TENM4: variants seen among roughly 807,000 people sequenced by gnomAD.
The protein encoded by TENM4 is teneurin transmembrane protein 4, also known as teneurin-4.
TENM4 carries 82 observed loss-of-function variants against 243.3 expected under a neutral mutation model. The observed-to-expected ratio is 0.34, with a 90% CI of 0.28 to 0.40. TENM4 has a LOEUF of 0.40. Ranked by LOEUF, TENM4 falls within the 10% of genes least tolerant of loss-of-function variation. The probability of loss-of-function intolerance (pLI) is 1.00; values close to 1 mark genes in which losing one functional copy is unlikely to be tolerated. For missense variants in TENM4, 3,138 were observed against 3,673.3 expected, an observed-to-expected ratio of 0.85 and a Z score of 3.77; for synonymous variants, 1,412 against 1,456.3, an observed-to-expected ratio of 0.97 and a Z score of 0.69.
At chr11:79,437,876 T>G (rs573433028) in intron 1 of TENM4, among the ~76,000 whole-genome samples, 1 of 152,080 alleles carries the variant, frequency 6.6e-6, no homozygotes, top group South Asian at 2.1e-4. Flanking sequence ...GGCAGCCGGG[T>G]TAAAGGCTCC....
At chr11:78,968,881 C>T (rs1857487989) in intron 6 of TENM4, among the ~76,000 whole-genome samples, 1 of 152,194 alleles carries the variant, frequency 6.6e-6, no homozygotes, top group South Asian at 2.1e-4. Context: ...AGAGGCCTGT[C>T]TATCAGGGAA....
chr11:79,087,979 G>A (rs910182326), intron 4 of TENM4, among the ~76,000 whole-genome samples: 1 of 152,192 alleles, frequency 6.6e-6, no homozygotes, highest in Non-Finnish European at 1.5e-5. Flanking sequence ...CCGTGGGGAA[G>A]CTCTGGCCCT....
At chr11:78,685,435 C>A (rs530057507) in intron 29 of TENM4, among the ~76,000 whole-genome samples, 1 of 152,136 alleles carries the variant, frequency 6.6e-6, no homozygotes, top group African/African-American at 2.4e-5. Flanking sequence ...GGCAGAGCTA[C>A]CAAAGAGGAA....
chr11:79,127,852 G>A (rs1861914508), intron 4 of TENM4, among the ~76,000 whole-genome samples: 1 of 152,148 alleles, frequency 6.6e-6, no homozygotes, highest in South Asian at 2.1e-4. Flanking sequence ...CAGTGGTATG[G>A]GGCCTGTCAA....
chr11:79,165,068 A>G (rs1565231740), intron 3 of TENM4, among the ~76,000 whole-genome samples: 1 of 151,654 alleles, frequency 6.6e-6, no homozygotes, highest in Non-Finnish European at 1.5e-5. Flanking sequence ...CTGGTTTCAT[A>G]TTTTTGAAAT....
chr11:79,108,136 T>C (rs1237256447), intron 4 of TENM4, among the ~76,000 whole-genome samples: 2 of 152,222 alleles, frequency 1.3e-5, no homozygotes, highest in Admixed American at 6.5e-5. Context: ...GGATGCTTAG[T>C]TTTGTGTCAA....
At chr11:78,875,492 C>G (rs1421278268) in intron 9 of TENM4, among the ~76,000 whole-genome samples, 2 of 152,182 alleles carry the variant, frequency 1.3e-5, no homozygotes, top group African/African-American at 4.8e-5. Flanking sequence ...GTGTAAGCCA[C>G]TGTGCCCAGC....
intron 6 of TENM4, among the ~76,000 whole-genome samples, chr11:79,043,925 C>T (rs1859597950): frequency 6.6e-6 from 1 of 152,176 alleles, no homozygotes; most frequent in Non-Finnish European, 1.5e-5. Flanking sequence ...CAGACCATGG[C>T]TTATGGCTCA....
intron 9 of TENM4, among the ~76,000 whole-genome samples, chr11:78,873,425 T>C (rs776164737): frequency 2.0e-5 from 3 of 152,222 alleles, no homozygotes; most frequent in South Asian, 2.1e-4. Context: ...GGGGTAAGTA[T>C]TGTTATTACT....
At chr11:78,841,565 T>C (rs544442441) in intron 12 of TENM4, among the ~76,000 whole-genome samples, 1 of 152,168 alleles carries the variant, frequency 6.6e-6, no homozygotes, top group Non-Finnish European at 1.5e-5. Context: ...GTCTCCTCCT[T>C]TCCTAGGCTC....
intron 7 of TENM4, among the ~76,000 whole-genome samples, chr11:78,900,541 G>T (rs1855904679): frequency 6.6e-6 from 1 of 152,168 alleles, no homozygotes; most frequent in Non-Finnish European, 1.5e-5. Context: ...GAGAGAAGAT[G>T]TATATGAAAA....
rs778551925 is a variant in TENM4 at position 78,658,045 on chromosome 11, T to C, written c.*13A>G. 1 of 1,611,178 alleles carries C rather than the reference T, an allele frequency of 6.2e-7. No individual in the cohort carries two copies. The highest frequency in any genetic ancestry group is 2.2e-5 in the East Asian group (1 of 44,860). On this transcript the variant is annotated 3_prime_UTR_variant, in exon 34 of 34. Transcript: ENST00000278550. ...AGTAGCTGTCTTTGGCAAGAAGTCC[T>C]TGGTCCTCTCTGTCACCTCCGGCCC...
intron 6 of TENM4, among the ~76,000 whole-genome samples, chr11:79,044,038 G>A (rs990123513): frequency 5.3e-5 from 8 of 152,072 alleles, no homozygotes; most frequent in African/African-American, 1.9e-4. Context: ...ATCTGGACTC[G>A]GTCCCAAGGA....
At chr11:79,020,344 A>G (rs1023599716) in intron 6 of TENM4, among the ~76,000 whole-genome samples, 1 of 152,198 alleles carries the variant, frequency 6.6e-6, no homozygotes, top group Non-Finnish European at 1.5e-5. Context: ...CATGTCGCTA[A>G]TTCTGTTTTA....
intron 4 of TENM4, among the ~76,000 whole-genome samples, chr11:79,078,131 C>T (rs1019291277): frequency 1.3e-5 from 2 of 152,162 alleles, no homozygotes; most frequent in African/African-American, 2.4e-5. Context: ...TGCCAAAACC[C>T]GCAGGGAAAT....
rs539294439 is a variant in TENM4, at chr11:79,078,133, C to A, written c.-65-8124G>T. Among the ~76,000 whole-genome samples, 4 of 152,168 alleles carry A rather than the reference C, an allele frequency of 2.6e-5. No individual in the cohort carries two copies. In the East Asian group the frequency reaches 5.8e-4, roughly 22 times the overall value. On this transcript the variant is annotated intron_variant, in intron 4 of 33. Coordinates refer to ENST00000278550, the MANE Select transcript of TENM4 (RefSeq NM_001098816.3). ...AAACCTCTGCCCCTGCCAAAACCCG[C>A]AGGGAAATGGGGGCTGTTATCACCC...
chr11:78,768,188 C>T (rs1413292265), intron 18 of TENM4, among the ~76,000 whole-genome samples: 1 of 152,238 alleles, frequency 6.6e-6, no homozygotes, highest in South Asian at 2.1e-4. Flanking sequence ...GTCCTCAGCA[C>T]CTTCCCCTTG....
chr11:79,306,850 C>G (rs147079471), intron 1 of TENM4, among the ~76,000 whole-genome samples: 1 of 152,194 alleles, frequency 6.6e-6, no homozygotes, highest in Non-Finnish European at 1.5e-5. Context: ...CTGTACAATA[C>G]CAACTCCCTA....
At chr11:79,292,726 C>G (rs1410520915) in intron 2 of TENM4, among the ~76,000 whole-genome samples, 1 of 152,214 alleles carries the variant, frequency 6.6e-6, no homozygotes, top group Non-Finnish European at 1.5e-5. Context: ...GGTCCCATTC[C>G]CAGCTCAGCC....
Sources: allele counts gnomAD v4.1 joint callset (sites outside exome capture counted in the v4.1 genomes callset), GRCh38; gene constraint gnomAD v4.1.1; transcripts MANE v1.5; gene names NCBI Gene and HGNC (gene_info 2026-07-23, HGNC 2026-07-21).